PRKN: variants seen among roughly 807,000 people sequenced by gnomAD.
The protein encoded by PRKN is parkin RBR E3 ubiquitin protein ligase.
A neutral mutation model predicts 59.5 loss-of-function variants in PRKN; 56 were observed. That is an observed-to-expected ratio of 0.94 (90% CI 0.76 to 1.18). The LOEUF (loss-of-function observed/expected upper bound fraction) is 1.18, where lower values mean the gene tolerates loss of function less well. Among genes scored for constraint, PRKN ranks in the 50% most tolerant of loss-of-function variants. The pLI, the probability that PRKN is intolerant of heterozygous loss-of-function variation, is 0.00. For missense variants in PRKN, 657 were observed against 596.4 expected (o/e 1.10, Z -1.06); for synonymous variants, 250 against 222.1 (o/e 1.13, Z -1.12).
At chr6:161,931,202 G>A (rs60254676) in intron 6 of PRKN, among the ~76,000 whole-genome samples, 36,656 of 152,044 alleles carry the variant, frequency 0.24, 4,706 homozygotes, top group Middle Eastern at 0.35. Flanking sequence ...TTGGGAGGCC[G>A]AGGTGGGTGG....
rs748442247 is a variant in PRKN, at chr6:161,457,427, C to T, written c.1084-70550G>A. Among the ~76,000 whole-genome samples the T allele has an allele frequency of 1.1e-3, 170 of 152,290 alleles. 1 individual carries two copies. Among genetic ancestry groups the T allele is most frequent in the Non-Finnish European group, 1.6e-3 (111 of 68,032 alleles). Reference sequence around the variant, plus strand: ...AAAGCTACTACTTTAATAGAAATTACCTCTTCTAATTGCCCTACAATGATA... The same window carrying T: ...AAAGCTACTACTTTAATAGAAATTATCTCTTCTAATTGCCCTACAATGATA... On this transcript the variant is annotated intron_variant, in intron 9 of 11. Coordinates refer to ENST00000366898, the MANE Select transcript of PRKN (RefSeq NM_004562.3). This position sits in a 1 kb window ranked among gnomAD's most constrained non-coding sequence, Gnocchi z 5.0.
At chr6:161,511,055 T>C (rs954477795) in intron 9 of PRKN, among the ~76,000 whole-genome samples, 11 of 152,222 alleles carry the variant, frequency 7.2e-5, no homozygotes, top group African/African-American at 2.7e-4. Flanking sequence ...CTTAGGGTAA[T>C]GGACTCAAAC....
chr6:161,793,211 C>T (rs148361437), intron 6 of PRKN, among the ~76,000 whole-genome samples: 1 of 152,304 alleles, frequency 6.6e-6, no homozygotes, highest in Non-Finnish European at 1.5e-5. Context: ...TTCCTTCCAG[C>T]AGCCAAGTCT....
chr6:161,993,027 C>T (rs563471855), intron 5 of PRKN, among the ~76,000 whole-genome samples: 1 of 151,884 alleles, frequency 6.6e-6, no homozygotes, highest in African/African-American at 2.4e-5. Flanking sequence ...AATTAACAAC[C>T]TAACAATGTA....
intron 1 of PRKN, among the ~76,000 whole-genome samples, chr6:162,610,403 C>A (rs147793812): frequency 6.6e-6 from 1 of 152,148 alleles, no homozygotes; most frequent in East Asian, 1.9e-4. Flanking sequence ...AAGTTTATAA[C>A]GAATGTGCTG....
chr6:162,276,831 AT>A (rs1380286406), intron 2 of PRKN, among the ~76,000 whole-genome samples: 1 of 152,000 alleles, frequency 6.6e-6, no homozygotes, highest in Non-Finnish European at 1.5e-5. Context: ...TTTCCTTATT[AT>A]TTTTCACAAC....
At chr6:162,155,691 C>T (rs1421879363) in intron 4 of PRKN, among the ~76,000 whole-genome samples, 1 of 151,834 alleles carries the variant, frequency 6.6e-6, no homozygotes, top group African/African-American at 2.4e-5. Flanking sequence ...TCTCAATGCC[C>T]AGAAAAACTT....
At chr6:162,600,697 TTC>T (rs550742473) in intron 1 of PRKN, among the ~76,000 whole-genome samples, 65 of 152,266 alleles carry the variant, frequency 4.3e-4, no homozygotes, top group African/African-American at 1.5e-3. Flanking sequence ...CTCAGTGTTG[TTC>T]TCATGACAGT....
intron 5 of PRKN, among the ~76,000 whole-genome samples, chr6:161,994,749 A>C (rs1781777492): frequency 6.6e-6 from 1 of 152,156 alleles, no homozygotes; most frequent in African/African-American, 2.4e-5. Flanking sequence ...GAATAAATTT[A>C]ACCAAGGAGG....
chr6:162,248,585 G>A (rs1439055344), intron 3 of PRKN, among the ~76,000 whole-genome samples: 1 of 152,096 alleles, frequency 6.6e-6, no homozygotes, highest in African/African-American at 2.4e-5. Flanking sequence ...CTTGGGTACT[G>A]GCGTTAGAGC....
chr6:162,131,654 T>C (rs1781362183), intron 4 of PRKN, among the ~76,000 whole-genome samples: 1 of 152,218 alleles, frequency 6.6e-6, no homozygotes, highest in South Asian at 2.1e-4. Flanking sequence ...AAAATGATTA[T>C]TTTAATTTTA....
rs555184754 is a variant in PRKN, at chr6:161,551,479, C to T, written c.934-2476G>A. 6.6e-6 allele frequency among the ~76,000 whole-genome samples: 1 copy of T among 152,296 alleles called. No homozygotes were observed. The highest frequency in any genetic ancestry group is 1.9e-4 in the East Asian group (1 of 5,170). On this transcript the variant is annotated intron_variant, in intron 8 of 11. Transcript: ENST00000366898. The surrounding 1 kb of genome is among the most constrained non-coding windows in gnomAD (Gnocchi z 5.2). ...AGCAAAGGAGACTAAGGAGCAGCAG[C>T]CTATGAGGCAGGTGAAAACTGAGGA...
intron 6 of PRKN, among the ~76,000 whole-genome samples, chr6:161,856,143 T>C (rs989162273): frequency 6.6e-6 from 1 of 152,080 alleles, no homozygotes; most frequent in Non-Finnish European, 1.5e-5. Context: ...GCAGATCACC[T>C]GAGGTCAGGA....
chr6:161,650,610 A>T (rs1371392171), intron 7 of PRKN, among the ~76,000 whole-genome samples: 2 of 152,168 alleles, frequency 1.3e-5, no homozygotes, highest in African/African-American at 4.8e-5. Context: ...TATCCTGTAA[A>T]CATCCACATC....
intron 9 of PRKN, among the ~76,000 whole-genome samples, chr6:161,411,469 T>C (rs1403855589): frequency 6.6e-6 from 1 of 152,196 alleles, no homozygotes; most frequent in African/African-American, 2.4e-5. Context: ...CTTGATAAGT[T>C]ACTCAGTCTC....
chr6:162,692,210 T>C (rs1777802125), intron 1 of PRKN, among the ~76,000 whole-genome samples: 1 of 151,324 alleles, frequency 6.6e-6, no homozygotes, highest in Admixed American at 6.6e-5. Context: ...GTCCAGACAG[T>C]TGAACTGGGA....
intron 3 of PRKN, among the ~76,000 whole-genome samples, chr6:162,242,077 TAAGA>T (rs1779011164): frequency 6.6e-6 from 1 of 152,042 alleles, no homozygotes; most frequent in African/African-American, 2.4e-5. Context: ...ACTTTTAAAA[TAAGA>T]AATTGCATAA....
chr6:161,909,983 G>A (rs1196970191), intron 6 of PRKN, among the ~76,000 whole-genome samples: 1 of 152,130 alleles, frequency 6.6e-6, no homozygotes, highest in Admixed American at 6.5e-5. Context: ...TTCATGGGAG[G>A]AGATAAAATA....
Position 161,461,234 on chromosome 6 carries a change from A to G in PRKN, c.1084-74357T>C, listed in dbSNP as rs552348774. ...CCTGTGCAAAGGTCTGGAGGTCTGA[A>G]AAGTACTCAGTGAGTTCCGGACCCG... On this transcript the variant is annotated intron_variant, in intron 9 of 11. Transcript: ENST00000366898. This position sits in a 1 kb window ranked among gnomAD's most constrained non-coding sequence, Gnocchi z 5.1. 6.6e-6 allele frequency among the ~76,000 whole-genome samples: 1 copy of G among 152,330 alleles called. No homozygotes were observed. Among genetic ancestry groups the G allele is most frequent in the East Asian group, 1.9e-4 (1 of 5,186 alleles).
Sources: gnomAD v4.1 joint callset for allele counts (sites outside exome capture counted in the v4.1 genomes callset) on GRCh38, gnomAD v4.1.1 for gene constraint, Gnocchi (gnomAD v3.1) non-coding constraint, MANE v1.5 for transcripts, NCBI Gene and HGNC (gene_info 2026-07-23, HGNC 2026-07-21) for gene names.